HEXA: variants seen among roughly 807,000 people sequenced by gnomAD.
The protein encoded by HEXA is hexosaminidase subunit alpha, also known as beta-hexosaminidase subunit alpha.
HEXA carries 54 observed loss-of-function variants against 73.3 expected under a neutral mutation model. The ratio of observed to expected loss-of-function variants is 0.74; its 90% CI spans 0.59 to 0.92. HEXA has a LOEUF of 0.92. HEXA is among the 40% of genes least tolerant of loss of function. The pLI, the probability that HEXA is intolerant of heterozygous loss-of-function variation, is 0.00. For synonymous variants in HEXA, 230 were observed against 246.9 expected, an observed-to-expected ratio of 0.93 and a Z score of 0.64; for missense variants, 649 against 653.0, an observed-to-expected ratio of 0.99 and a Z score of 0.07.
rs2140324076 is a variant in HEXA at position 72,350,510 on chromosome 15, A to G, written c.805+8T>C. On this transcript the variant is annotated splice_region_variant and intron_variant, in intron 7 of 13. Transcript: ENST00000268097. ...CAGAGTCCCTCTGGTCCCAGACATC[A>G]TTCTTACCTGGTCCCCAGGACAAAG... The G allele has an allele frequency of 9.3e-6, 15 of 1,613,904 alleles. No homozygotes were observed. The highest frequency in any genetic ancestry group is 1.3e-5 in the Non-Finnish European group (15 of 1,179,952).
intron 1 of HEXA, chr15:72,362,310 A>G: frequency 2.9e-6 from 1 of 340,438 alleles, no homozygotes; most frequent in Admixed American, 3.7e-5. Context: ...ATCATGCAGC[A>G]ATGTATACAT....
At chr15:72,360,370 C>G (rs1057280507) in intron 1 of HEXA, 3 of 152,310 alleles carry the variant, frequency 2.0e-5, no homozygotes, top group African/African-American at 7.2e-5. Flanking sequence ...TTGATCACCA[C>G]CTCCCTTATG....
chr15:72,347,562 A>G, intron 10 of HEXA, 124 bp downstream of exon 10: 5 of 793,580 alleles, frequency 6.3e-6, no homozygotes, highest in Non-Finnish European at 1.1e-5. Flanking sequence ...AGAAAAGGAG[A>G]GTGCTCCGAC....
chr15:72,373,531 A>G lies in HEXA; in HGVS notation c.253+2189T>C, dbSNP rs1485878187. Among the ~76,000 whole-genome samples, 6 of 152,218 alleles carry G rather than the reference A, an allele frequency of 3.9e-5. No individual in the cohort carries two copies. The East Asian group carries it at 1.2e-3, about 29-fold the overall frequency. On this transcript the variant is annotated intron_variant, in intron 1 of 13. Coordinates refer to ENST00000268097, the MANE Select transcript of HEXA (RefSeq NM_000520.6). ...ACAAGAACCCTCAACTAATAAAGCT[A>G]ATGAACTTACAGGAAGGTAATATAT...
chr15:72,361,888 T>C (rs1181987849), intron 1 of HEXA, among the ~76,000 whole-genome samples: 1 of 152,232 alleles, frequency 6.6e-6, no homozygotes, highest in African/African-American at 2.4e-5. Context: ...CCTGGATGAC[T>C]ATAAAAAATC....
At chr15:72,361,009 C>T (rs2088846308) in intron 1 of HEXA, among the ~76,000 whole-genome samples, 1 of 152,208 alleles carries the variant, frequency 6.6e-6, no homozygotes, top group Non-Finnish European at 1.5e-5. Context: ...TGGCTTCCTT[C>T]ACCACCACTT....
chr15:72,345,985 T>C (rs928469811), intron 12 of HEXA: 2 of 567,270 alleles, frequency 3.5e-6, no homozygotes, highest in East Asian at 3.0e-5. Context: ...CCAGGCCTCA[T>C]TATCTCTCTG....
At position 72,344,048 on chromosome 15, in the gene HEXA, C is replaced by G. The variant is rs763935887; in HGVS notation, c.*29G>C. 9.4e-6 allele frequency: 15 copies of G among 1,597,750 alleles called. No homozygotes were observed. Among genetic ancestry groups the G allele is most frequent in the Non-Finnish European group, 1.3e-5 (15 of 1,165,492 alleles). ...GCCTGGCTCCACTACCATTCACCTACAGCCAGCACCCTCCTCGGTGCCTGG... is the reference window on the plus strand; with the variant it reads ...GCCTGGCTCCACTACCATTCACCTAGAGCCAGCACCCTCCTCGGTGCCTGG... On this transcript the variant is annotated 3_prime_UTR_variant, in exon 14 of 14. Coordinates refer to ENST00000268097, the MANE Select transcript of HEXA (RefSeq NM_000520.6).
intron 2 of HEXA, 134 bp from the exon 3 acceptor site, chr15:72,355,758 T>A (rs1202491011): frequency 2.9e-6 from 2 of 694,752 alleles, no homozygotes; most frequent in Non-Finnish European, 5.1e-6. Flanking sequence ...AATCTTTCAA[T>A]GAGGAGATGT....
At chr15:72,350,307 A>G in intron 7 of HEXA, 2 of 609,418 alleles carry the variant, frequency 3.3e-6, no homozygotes, top group East Asian at 2.9e-5. Context: ...GTGCCCTTAC[A>G]TAGTCTAACA....
At position 72,340,988 on chromosome 15, in the gene HEXA, G is replaced by A. The variant is rs2088550267; in HGVS notation, c.*3089C>T. ...GGAAATACAAATTTTGATAAACAAA[G>A]CACCCAATTCCTACTTATTTTTTTT... On this transcript the variant is annotated 3_prime_UTR_variant, in exon 14 of 14. Coordinates refer to ENST00000268097, the MANE Select transcript of HEXA (RefSeq NM_000520.6). The A allele has an allele frequency of 6.6e-6, 1 of 151,610 alleles. No individual in the cohort carries two copies. The highest frequency in any genetic ancestry group is 2.1e-4 in the South Asian group (1 of 4,782). The allele number at this position is 151,610 out of a possible 1,614,324, so 9.4% of individuals were successfully genotyped here.
chr15:72,365,087 A>AT (rs924615165), intron 1 of HEXA, among the ~76,000 whole-genome samples: 1 of 148,184 alleles, frequency 6.7e-6, no homozygotes, highest in African/African-American at 2.5e-5. Flanking sequence ...TACTAGCCAA[A>AT]TTTTTTTTAC....
chr15:72,370,461 C>T (rs927682953), intron 1 of HEXA: 1 of 394,008 alleles, frequency 2.5e-6, no homozygotes, highest in Admixed American at 4.4e-5. Context: ...GAGGCCGAGA[C>T]AAGAGGATCG....
At chr15:72,372,077 A>G (rs2089001728) in intron 1 of HEXA, among the ~76,000 whole-genome samples, 1 of 152,182 alleles carries the variant, frequency 6.6e-6, no homozygotes, top group Non-Finnish European at 1.5e-5. Flanking sequence ...GGCCAGGTGC[A>G]GTGGCTCACA....
chr15:72,351,383 T>A (rs1183348082), intron 5 of HEXA, 149 bp from the exon 6 acceptor site: 1 of 697,820 alleles, frequency 1.4e-6, no homozygotes, highest in Non-Finnish European at 2.6e-6. Context: ...ATGGGGTCTA[T>A]CAAACCTTCC....
At chr15:72,353,605 G>A in intron 4 of HEXA, 86 bp downstream of exon 4, 1 of 1,069,350 alleles carries the variant, frequency 9.4e-7, no homozygotes, top group Non-Finnish European at 1.5e-6. Context: ...GGATCCTAAG[G>A]CAAAACAAGA....
Position 72,353,681 on chromosome 15 carries a change from C to T in HEXA, c.459+10G>A. On this transcript the variant is annotated intron_variant, in intron 4 of 13. Coordinates refer to ENST00000268097, the MANE Select transcript of HEXA (RefSeq NM_000520.6). ...TGAAAAAGGAGCCCTTTTTGAGGGT[C>T]CACACTTACTGTGCCCTCAGCAGAT... The T allele has an allele frequency of 6.2e-7, 1 of 1,606,520 alleles. No individual in the cohort carries two copies. The highest frequency in any genetic ancestry group is 1.1e-5 in the South Asian group (1 of 90,904).
chr15:72,368,863 A>T (rs1049659972), intron 1 of HEXA, among the ~76,000 whole-genome samples: 2 of 152,250 alleles, frequency 1.3e-5, no homozygotes, highest in Non-Finnish European at 2.9e-5. Flanking sequence ...CAACAAGGAC[A>T]AGGTTGAACA....
Position 72,343,866 on chromosome 15 carries a change from TA to T in HEXA, c.*210del. 1.9e-6 allele frequency: 1 copy of T among 522,078 alleles called. No homozygotes were observed. The highest frequency in any genetic ancestry group is 3.5e-6 in the Non-Finnish European group (1 of 286,530). The allele number at this position is 522,078 out of a possible 1,614,324, so 32.3% of individuals were successfully genotyped here. ...CTAACGCCATTCACACTTTTTTTTTTAAACACAGGTAATCCATGTTTATTAT... is the reference window on the plus strand; with the variant it reads ...CTAACGCCATTCACACTTTTTTTTTTAACACAGGTAATCCATGTTTATTAT... On this transcript the variant is annotated 3_prime_UTR_variant, in exon 14 of 14. Transcript: ENST00000268097.
Sources: allele counts gnomAD v4.1 joint callset (sites outside exome capture counted in the v4.1 genomes callset), GRCh38; gene constraint gnomAD v4.1.1; transcripts MANE v1.5; gene names NCBI Gene and HGNC (gene_info 2026-07-23, HGNC 2026-07-21).